Variants in ADAMTS1 observed in about 807,000 individuals in gnomAD.
The protein encoded by ADAMTS1 is A disintegrin and metalloproteinase with thrombospondin motifs 1.
A neutral mutation model predicts 87.9 loss-of-function variants in ADAMTS1; 19 were observed. The ratio of observed to expected loss-of-function variants is 0.22; its 90% CI spans 0.15 to 0.32. The LOEUF (loss-of-function observed/expected upper bound fraction) is 0.32, where lower values mean the gene tolerates loss of function less well. Ranked by LOEUF, ADAMTS1 falls within the 10% of genes least tolerant of loss-of-function variation. The pLI is 1.00. For missense variants in ADAMTS1, 1,240 were observed against 1,259.1 expected (o/e 0.98, Z 0.23); for synonymous variants, 542 against 501.8 (o/e 1.08, Z -1.07).
intron 1 of ADAMTS1, chr21:26,843,406 G>A (rs1790155673): frequency 2.2e-6 from 1 of 455,838 alleles, no homozygotes; most frequent in Non-Finnish European, 4.5e-6. Context: ...AGGAGCAGGG[G>A]AAAAGGGGAG....
In ADAMTS1 at chr21:26,838,217, G is replaced by T; in HGVS notation, c.2266C>A (p.Arg756=). Residue 756 remains arginine (R), a synonymous_variant, in exon 9 of 9, where the codon CGG becomes AGG. Transcript: ENST00000284984. ...TTGTTCCTGGATCCCCTCTGGTTCC[G>T]CTGTTTCACTTCGATGTTGGTGGCT... ...TGATNIEVKQ[R]NQRGSRNNGS... is the part of the protein sequence containing the mutation. 2 of 1,613,794 alleles carry T rather than the reference G, an allele frequency of 1.2e-6. No homozygotes were observed. The highest frequency in any genetic ancestry group is 1.7e-6 in the Non-Finnish European group (2 of 1,179,854).
In ADAMTS1 at chr21:26,839,570, A is replaced by G; in HGVS notation, c.2028+17T>C. On this transcript the variant is annotated intron_variant, in intron 7 of 8. Transcript: ENST00000284984. ...AGGCCTTGATTTTTAGGTAAAAATA[A>G]GGTAAAAACGAACTACCTTGGGCTG... 1.3e-6 allele frequency: 2 copies of G among 1,512,232 alleles called. No homozygotes were observed. The highest frequency in any genetic ancestry group is 1.8e-6 in the Non-Finnish European group (2 of 1,125,480). 93.7% of individuals were successfully genotyped at this position (1,512,232 alleles called of 1,614,324 possible).
At chr21:26,842,746 G>C in intron 1 of ADAMTS1, 61 bp from the exon 2 acceptor site, 1 of 1,410,588 alleles carries the variant, frequency 7.1e-7, no homozygotes, top group Non-Finnish European at 9.7e-7. Context: ...TACCTTCCTA[G>C]CATATATTAG....
At position 26,836,479 on chromosome 21, in the gene ADAMTS1, A is replaced by G. The variant is rs1384229520; in HGVS notation, c.*1100T>C. On this transcript the variant is annotated 3_prime_UTR_variant, in exon 9 of 9. Transcript: ENST00000284984. ...AAGGAACACCCAAACCAATACTTATAAAGTACATGTAATTTATAGTAACAT... is the reference window on the plus strand; with the variant it reads ...AAGGAACACCCAAACCAATACTTATGAAGTACATGTAATTTATAGTAACAT... The G allele has an allele frequency of 6.6e-6, 1 of 152,650 alleles. No individual in the cohort carries two copies. The highest frequency in any genetic ancestry group is 2.4e-5 in the African/African-American group (1 of 41,460). The allele number at this position is 152,650 out of a possible 1,614,324, so 9.5% of individuals were successfully genotyped here.
At chr21:26,844,196 G>A in intron 1 of ADAMTS1, 29 bp downstream of exon 1, 1 of 1,521,072 alleles carries the variant, frequency 6.6e-7, no homozygotes, top group Non-Finnish European at 8.8e-7. Context: ...GAGGATGAAT[G>A]GACAGACAAA....
In ADAMTS1 at chr21:26,837,967, G is replaced by T. The variant is rs748129867; in HGVS notation, c.2516C>A (p.Thr839Asn). ...GNALRPKIKY[T>N]YFVKKKKESF... ...TTCCTTCTTCTTCTTTACGAAGTAGGTGTATTTAATTTTAGGTCGAAGGGC... is the reference window on the plus strand; with the variant it reads ...TTCCTTCTTCTTCTTTACGAAGTAGTTGTATTTAATTTTAGGTCGAAGGGC... The change falls in exon 9 of 9, where the codon ACC becomes AAC. Residue 839 changes from threonine to asparagine, a missense_variant. This residue lies in a region of ADAMTS1 where 402 missense variants were observed against 399.1 expected (regional missense o/e 1.01). Transcript: ENST00000284984. The T allele has an allele frequency of 7.4e-6, 12 of 1,614,108 alleles. No homozygotes were observed. The East Asian group carries it at 2.0e-4, about 27-fold the overall frequency.
In ADAMTS1 at chr21:26,844,813, C is replaced by T; in HGVS notation, c.142G>A (p.Asp48Asn). The part of the protein sequence containing the change: ...LLAAALLAVS[D>N]ALGRPSEEDE... ...TCCTCGGAGGGGCGCCCGAGTGCGT[C>T]CGACACGGCCAGTAGCGCCGCGGCG... The change falls in exon 1 of 9, where the codon GAC becomes AAC. Residue 48 changes from aspartate (D) to asparagine (N), a missense_variant. Physicochemically the swap from Asp to Asn is conservative, Grantham distance 23 (BLOSUM62 1). Transcript: ENST00000284984. 1.3e-6 allele frequency: 2 copies of T among 1,548,674 alleles called. No homozygotes were observed. The highest frequency in any genetic ancestry group is 1.7e-6 in the Non-Finnish European group (2 of 1,146,594).
Position 26,842,007 on chromosome 21 carries a change from T to G in ADAMTS1, c.1078-17A>C. 3 of 1,610,820 alleles carry G rather than the reference T, an allele frequency of 1.9e-6. No homozygotes were observed. The highest frequency in any genetic ancestry group is 2.5e-6 in the Non-Finnish European group (3 of 1,179,148). On this transcript the variant is annotated splice_polypyrimidine_tract_variant and intron_variant, in intron 2 of 8. Transcript: ENST00000284984. Reference sequence around the variant, plus strand: ...ACACAAGTCCTACAAAAAGCAAAGGTAAATACTTATTAATAAGGGGAGCAT... The same window carrying G: ...ACACAAGTCCTACAAAAAGCAAAGGGAAATACTTATTAATAAGGGGAGCAT...
In ADAMTS1 at chr21:26,836,258, A is replaced by ATTCCCACT; in HGVS notation, c.*1313_*1320dup. On this transcript the variant is annotated 3_prime_UTR_variant, in exon 9 of 9. Transcript: ENST00000284984. ...CCTCAGGTTTCCTTCCTAGGAATGA[A>ATTCCCACT]TTCCCACTTCAAAAAACAGACACAC... is the stretch of plus-strand genomic sequence containing the variant. 6.6e-6 allele frequency: 1 copy of ATTCCCACT among 152,240 alleles called. No individual in the cohort carries two copies. Among genetic ancestry groups the ATTCCCACT allele is most frequent in the South Asian group, 2.1e-4 (1 of 4,832 alleles). The allele number at this position is 152,240 out of a possible 1,614,324, so 9.4% of individuals were successfully genotyped here.
At chr21:26,841,716 A>G in intron 3 of ADAMTS1, 142 bp downstream of exon 3, 1 of 957,594 alleles carries the variant, frequency 1.0e-6, no homozygotes, top group Non-Finnish European at 1.5e-6. Context: ...CATGTTTGAA[A>G]TAGTGACAAA....
chr21:26,843,177 C>T (rs919154816), intron 1 of ADAMTS1, among the ~76,000 whole-genome samples: 2 of 152,188 alleles, frequency 1.3e-5, no homozygotes, highest in Admixed American at 1.3e-4. Flanking sequence ...CTGTCTCATT[C>T]CAGGGGTCCC....
rs961429565 is a variant in ADAMTS1, at chr21:26,840,166, T to C, written c.1666-105A>G. 2 of 1,549,248 alleles carry C rather than the reference T, an allele frequency of 1.3e-6. No homozygotes were observed. The highest frequency in any genetic ancestry group is 1.7e-6 in the Non-Finnish European group (2 of 1,145,828). On this transcript the variant is annotated intron_variant, in intron 5 of 8. Coordinates refer to ENST00000284984, the MANE Select transcript of ADAMTS1 (RefSeq NM_006988.5). ...AAGAATCAGTTCTAAAAATAAGCTATCTCGCATTCCTGCTAGAGGACACGG... is the reference window on the plus strand; with the variant it reads ...AAGAATCAGTTCTAAAAATAAGCTACCTCGCATTCCTGCTAGAGGACACGG...
In ADAMTS1 at chr21:26,844,784, G is replaced by C. The variant is rs764405830; in HGVS notation, c.171C>G (p.Asp57Glu). The C allele has an allele frequency of 1.3e-6, 2 of 1,546,670 alleles. No homozygotes were observed. Among genetic ancestry groups the C allele is most frequent in the African/African-American group, 1.4e-5 (1 of 73,630 alleles). The part of the protein sequence containing the change: ...SDALGRPSEE[D>E]EELVVPELER... ...CCAGCTCCGGCACCACTAGCTCCTC[G>C]TCCTCCTCGGAGGGGCGCCCGAGTG... Residue 57 changes from aspartate (D) to glutamate (E), a missense_variant, in exon 1 of 9, where the codon GAC becomes GAG. Physicochemically the swap from Asp to Glu is conservative, Grantham distance 45. Transcript: ENST00000284984.
At chr21:26,843,260 C>T (rs1248815015) in intron 1 of ADAMTS1, among the ~76,000 whole-genome samples, 1 of 152,218 alleles carries the variant, frequency 6.6e-6, no homozygotes, top group East Asian at 1.9e-4. Context: ...GGCCCCACTC[C>T]CACTGCCCCA....
At position 26,844,728 on chromosome 21, in the gene ADAMTS1, A is replaced by T; in HGVS notation, c.227T>A (p.Leu76His). 1 of 1,577,298 alleles carries T rather than the reference A, an allele frequency of 6.3e-7. No individual in the cohort carries two copies. The highest frequency in any genetic ancestry group is 1.8e-5 in the Admixed American group (1 of 55,118). Residue 76 changes from leucine to histidine, a missense_variant, in exon 1 of 9, where the codon CTC becomes CAC. By Grantham distance (99) the Leu-to-His change is moderately conservative. Coordinates refer to ENST00000284984, the MANE Select transcript of ADAMTS1 (RefSeq NM_006988.5). Reference protein sequence around the residue: ...ERAPGHGTTRLRLHAFDQQLD... With the variant: ...ERAPGHGTTRHRLHAFDQQLD... Reference sequence around the variant, plus strand: ...CTGCTGGTCAAAGGCGTGCAGGCGGAGGCGCGTGGTCCCGTGTCCCGGGGC... The same window carrying T: ...CTGCTGGTCAAAGGCGTGCAGGCGGTGGCGCGTGGTCCCGTGTCCCGGGGC...
At chr21:26,842,921 G>C (rs567611234) in intron 1 of ADAMTS1, 45 of 537,236 alleles carry the variant, frequency 8.4e-5, no homozygotes, top group African/African-American at 7.0e-4. Context: ...TTCTGTGTGT[G>C]AGCAGGATTT....
chr21:26,845,087 G>T lies in ADAMTS1; in HGVS notation c.-133C>A. ...AATTTCTATTATTCGTTGGAAGGGC[G>T]CGCAGAGCCGGCTACAGCCGAAGCT... On this transcript the variant is annotated 5_prime_UTR_variant, in exon 1 of 9. Coordinates refer to ENST00000284984, the MANE Select transcript of ADAMTS1 (RefSeq NM_006988.5). The T allele has an allele frequency of 1.7e-6, 2 of 1,209,328 alleles. No homozygotes were observed. The highest frequency in any genetic ancestry group is 1.1e-6 in the Non-Finnish European group (1 of 946,500). 74.9% of individuals were successfully genotyped at this position (1,209,328 alleles called of 1,614,324 possible).
intron 2 of ADAMTS1, 74 bp downstream of exon 2, chr21:26,842,265 C>T (rs1367901070): frequency 9.9e-6 from 14 of 1,417,738 alleles, no homozygotes; most frequent in Non-Finnish European, 1.3e-5. Context: ...GGTGAAATGC[C>T]TTGTATATAT....
At chr21:26,842,770 G>T in intron 1 of ADAMTS1, 85 bp from the exon 2 acceptor site, 1 of 1,225,286 alleles carries the variant, frequency 8.2e-7, no homozygotes, top group Non-Finnish European at 1.1e-6. Flanking sequence ...AGCCTAACCA[G>T]TCAAAGCAAA....
Sources: gnomAD v4.1 joint callset for allele counts (sites outside exome capture counted in the v4.1 genomes callset) on GRCh38, gnomAD v4.1.1 for gene constraint, gnomAD v4.1.1 regional missense constraint, MANE v1.5 for transcripts, NCBI Gene and HGNC (gene_info 2026-07-23, HGNC 2026-07-21) for gene names.